The following SPECC1 variants were observed in gnomAD, a reference collection of about 807,000 sequenced individuals.
The protein encoded by SPECC1 is cytospin-B.
Under a neutral mutation model 104.1 loss-of-function variants are expected in SPECC1, and 62 were observed. The ratio of observed to expected loss-of-function variants is 0.60; its 90% CI spans 0.49 to 0.74. The LOEUF (loss-of-function observed/expected upper bound fraction) is 0.74. Ranked by LOEUF, SPECC1 falls within the 30% of genes least tolerant of loss-of-function variation. SPECC1 has a pLI of 0.00. For synonymous variants in SPECC1, 513 were observed against 501.6 expected, an observed-to-expected ratio of 1.02 and a Z score of -0.30; for missense variants, 1,306 against 1,310.5, an observed-to-expected ratio of 1.00 and a Z score of 0.05.
rs750108312 is a variant in SPECC1 at position 20,205,843 on chromosome 17, CA to C, written c.1796del (p.Asn599MetfsTer8). 5 of 1,613,988 alleles carry C rather than the reference CA, an allele frequency of 3.1e-6. No individual in the cohort carries two copies. ...AEKDLLELSC[N>X]ELRQELLKAN... ...AGAAAGATCTACTGGAACTGTCTTG[CA>C]ATGAGCTCAGACAAGAATTACTAAA... is the stretch of plus-strand genomic sequence containing the variant. On this transcript the variant is annotated frameshift_variant, in exon 4 of 15. Coordinates refer to ENST00000395527, the MANE Select transcript of SPECC1 (RefSeq NM_001243439.2). LOFTEE classifies it high-confidence loss of function.
chr17:20,238,293 T>G (rs916036561), intron 7 of SPECC1: 4 of 1,040,562 alleles, frequency 3.8e-6, no homozygotes, highest in South Asian at 4.6e-5. Context: ...CCCCAGAAAC[T>G]TAGTGTTCAA....
chr17:20,088,637 G>T (rs746460780), intron 1 of SPECC1, among the ~76,000 whole-genome samples: 1 of 152,204 alleles, frequency 6.6e-6, no homozygotes, highest in Non-Finnish European at 1.5e-5. Context: ...GATGAGAACC[G>T]CAAGTTTCAT....
At chr17:20,147,048 C>G (rs1237102554) in intron 3 of SPECC1, among the ~76,000 whole-genome samples, 1 of 151,066 alleles carries the variant, frequency 6.6e-6, no homozygotes, top group South Asian at 2.1e-4. Context: ...GGATTTTCAC[C>G]ATTCTAATAG....
chr17:20,126,647 C>A (rs1358603811), intron 3 of SPECC1, among the ~76,000 whole-genome samples: 1 of 152,200 alleles, frequency 6.6e-6, no homozygotes, highest in South Asian at 2.1e-4. Context: ...CTTTTGTCTC[C>A]TCCATTCCAG....
Position 20,220,139 on chromosome 17 carries a change from G to A in SPECC1, c.1864-7274G>A, listed in dbSNP as rs140949554. Among the ~76,000 whole-genome samples the A allele has an allele frequency of 3.6e-3, 541 of 152,168 alleles. 1 individual carries two copies. The highest frequency in any genetic ancestry group is 0.013 in the African/African-American group (523 of 41,506). Reference sequence around the variant, plus strand: ...CTTCCAGTTTTGTTCTTTTTGCTCAGGATGGCTTTGGCTATTCTGGGTCTT... The same window carrying A: ...CTTCCAGTTTTGTTCTTTTTGCTCAAGATGGCTTTGGCTATTCTGGGTCTT... On this transcript the variant is annotated intron_variant, in intron 4 of 14. Transcript: ENST00000395527.
At chr17:20,279,212 AAG>A (rs2040676045) in intron 12 of SPECC1, among the ~76,000 whole-genome samples, 1 of 152,216 alleles carries the variant, frequency 6.6e-6, no homozygotes, top group African/African-American at 2.4e-5. Flanking sequence ...ATTTGGGAAA[AAG>A]AAGTAATTTC....
chr17:20,227,472 C>T lies in SPECC1; in HGVS notation c.1923C>T (p.Ser641=), dbSNP rs150359108. The T allele has an allele frequency of 1.8e-5, 29 of 1,613,528 alleles. No homozygotes were observed. In the Middle Eastern group the frequency reaches 4.9e-4, roughly 27 times the overall value. The change falls in exon 5 of 15, where the codon AGC becomes AGT. Residue 641 remains serine (S), a synonymous_variant. Coordinates refer to ENST00000395527, the MANE Select transcript of SPECC1 (RefSeq NM_001243439.2). The part of the protein sequence containing the change: ...EICDHQAEQL[S]RTSLKLQEKA... Reference sequence around the variant, plus strand: ...GTGATCACCAAGCCGAACAGCTGAGCAGAACCAGCCTAAAGCTGCAAGAAA... The same window carrying T: ...GTGATCACCAAGCCGAACAGCTGAGTAGAACCAGCCTAAAGCTGCAAGAAA...
chr17:20,172,611 A>G (rs2034172760), intron 3 of SPECC1, among the ~76,000 whole-genome samples: 1 of 152,040 alleles, frequency 6.6e-6, no homozygotes, highest in African/African-American at 2.4e-5. Context: ...GCGTGGGAGG[A>G]CGTGAGATGG....
At chr17:20,092,102 T>G (rs1023168620) in intron 1 of SPECC1, among the ~76,000 whole-genome samples, 1 of 152,050 alleles carries the variant, frequency 6.6e-6, no homozygotes, top group Admixed American at 6.5e-5. Flanking sequence ...ACTGTGAAAT[T>G]TAAGAGTTGC....
chr17:20,201,738 C>A (rs1436494383), intron 3 of SPECC1, among the ~76,000 whole-genome samples: 4 of 152,096 alleles, frequency 2.6e-5, no homozygotes, highest in Admixed American at 6.5e-5. Flanking sequence ...TTAAATAAGT[C>A]TTTTCCTCGT....
At chr17:20,075,118 G>T (rs192545256) in intron 1 of SPECC1, among the ~76,000 whole-genome samples, 553 of 152,276 alleles carry the variant, frequency 3.6e-3, no homozygotes, top group Non-Finnish European at 6.4e-3. Context: ...GTCCAGGCTG[G>T]CCTCAAACTC....
intron 12 of SPECC1, among the ~76,000 whole-genome samples, chr17:20,294,082 A>C (rs2041261353): frequency 6.6e-6 from 1 of 152,182 alleles, no homozygotes; most frequent in African/African-American, 2.4e-5. Flanking sequence ...TCCAGGTTCA[A>C]GGCATTTGCC....
intron 3 of SPECC1, among the ~76,000 whole-genome samples, chr17:20,185,963 G>C (rs750202252): frequency 6.6e-6 from 1 of 152,142 alleles, no homozygotes; most frequent in Admixed American, 6.6e-5. Context: ...TCAGCCTCCT[G>C]AGTAGCTAGG....
intron 5 of SPECC1, among the ~76,000 whole-genome samples, chr17:20,229,036 C>G (rs190447371): frequency 1.3e-5 from 2 of 152,268 alleles, no homozygotes; most frequent in East Asian, 3.9e-4. Context: ...ACACAGAGCA[C>G]TTCCACAGTC....
At chr17:20,035,351 T>C (rs1567804920) in intron 1 of SPECC1, among the ~76,000 whole-genome samples, 1 of 152,196 alleles carries the variant, frequency 6.6e-6, no homozygotes. Context: ...AGTAATAATG[T>C]TATCCTGTGT....
intron 4 of SPECC1, among the ~76,000 whole-genome samples, chr17:20,217,653 C>A (rs747598715): frequency 1.3e-5 from 2 of 152,156 alleles, no homozygotes; most frequent in Non-Finnish European, 2.9e-5. Context: ...CCACAGTCTG[C>A]CCCAGGATGC....
In SPECC1 at chr17:20,205,876, C is replaced by G; in HGVS notation, c.1827C>G (p.Asn609Lys). The stretch of plus-strand genomic sequence containing the variant: ...TCAGACAAGAATTACTAAAGGCAAA[C>G]GGTGAAATTAAACATGTTTCCAGTC... The part of the protein sequence containing the change: ...NELRQELLKA[N>K]GEIKHVSSLL... Residue 609 changes from asparagine to lysine, a missense_variant, in exon 4 of 15, where the codon AAC becomes AAG. Physicochemically the swap from Asn to Lys is moderately conservative, Grantham distance 94. Around this residue, in one of 2 missense-constraint regions of SPECC1, gnomAD observed 1,177 missense variants for 1,139.9 expected, o/e 1.03. Transcript: ENST00000395527. 6.2e-7 allele frequency: 1 copy of G among 1,613,088 alleles called. No individual in the cohort carries two copies. Among genetic ancestry groups the G allele is most frequent in the East Asian group, 2.2e-5 (1 of 44,880 alleles).
chr17:20,051,353 T>G (rs770138378), intron 1 of SPECC1, among the ~76,000 whole-genome samples: 1 of 151,870 alleles, frequency 6.6e-6, no homozygotes, highest in Non-Finnish European at 1.5e-5. Flanking sequence ...TTTCTGTATT[T>G]TTAGTAGAGA....
At chr17:20,284,574 C>T (rs1034394217) in intron 12 of SPECC1, among the ~76,000 whole-genome samples, 2 of 152,252 alleles carry the variant, frequency 1.3e-5, no homozygotes, top group Non-Finnish European at 2.9e-5. Context: ...GCTGAGATTT[C>T]ACATGAAATG....
Sources: gnomAD v4.1 joint callset for allele counts (sites outside exome capture counted in the v4.1 genomes callset) on GRCh38, gnomAD v4.1.1 for gene constraint, gnomAD v4.1.1 regional missense constraint, MANE v1.5 for transcripts, NCBI Gene and HGNC (gene_info 2026-07-23, HGNC 2026-07-21) for gene names.